Variants in DGUOK observed in about 807,000 individuals in gnomAD.
DGUOK encodes deoxyguanosine kinase.
DGUOK carries 30 observed loss-of-function variants against 36.6 expected under a neutral mutation model. That is an observed-to-expected ratio of 0.82 (90% CI 0.61 to 1.11). DGUOK has a LOEUF of 1.11. DGUOK is among the 50% of genes most tolerant of loss of function. The probability of loss-of-function intolerance (pLI) is 0.00; values close to 1 mark genes in which losing one functional copy is unlikely to be tolerated. For synonymous variants in DGUOK, 145 were observed against 126.3 expected (o/e 1.15, Z -0.99); for missense variants, 361 against 336.4 (o/e 1.07, Z -0.57).
intron 4 of DGUOK, 84 bp from the exon 5 acceptor site, chr2:73,957,041 G>A (rs1558668707): frequency 9.1e-6 from 8 of 875,638 alleles, no homozygotes; most frequent in Non-Finnish European, 1.2e-5. Flanking sequence ...TAGACATTAT[G>A]GGTGGGCCTC....
At chr2:73,930,794 CTTTTTTTTTT>C (rs1028341314) in intron 1 of DGUOK, among the ~76,000 whole-genome samples, 3 of 35,664 alleles carry the variant, frequency 8.4e-5, no homozygotes, top group African/African-American at 7.5e-5. Context: ...TTTTTTTTTT[CTTTTTTTTTT>C]TTTTTTTTTG....
intron 1 of DGUOK, among the ~76,000 whole-genome samples, chr2:73,931,633 G>A (rs1387746948): frequency 3.9e-5 from 6 of 152,142 alleles, no homozygotes; most frequent in Non-Finnish European, 1.5e-5. Flanking sequence ...GCCATGACCA[G>A]ATTAATTTAA....
At chr2:73,930,277 A>G (rs138936955) in intron 1 of DGUOK, among the ~76,000 whole-genome samples, 63 of 152,352 alleles carry the variant, frequency 4.1e-4, no homozygotes, top group African/African-American at 1.5e-3. Flanking sequence ...TGAATAAGCA[A>G]GAGAAATGTT....
rs1422549893 is a variant in DGUOK at position 73,938,941 on chromosome 2, C to A, written c.174C>A (p.Leu58=). The A allele has an allele frequency of 1.2e-6, 2 of 1,613,918 alleles. No homozygotes were observed. The highest frequency in any genetic ancestry group is 4.5e-5 in the East Asian group (2 of 44,884). ...GAAAGTCCACGTTTGTGAAGTTACT[C>A]ACGAAAACTTACCCAGAATGGCACG... ...AVGKSTFVKL[L]TKTYPEWHVA... is the part of the protein sequence containing the mutation. The change falls in exon 2 of 7, where the codon CTC becomes CTA. Residue 58 remains leucine, a synonymous_variant. Coordinates refer to ENST00000264093, the MANE Select transcript of DGUOK (RefSeq NM_080916.3).
chr2:73,950,772 G>A, intron 4 of DGUOK, 40 bp downstream of exon 4: 1 of 1,612,922 alleles, frequency 6.2e-7, no homozygotes. Flanking sequence ...AGGGCCATAT[G>A]AAACCTAAGA....
Position 73,958,797 on chromosome 2 carries a change from G to A in DGUOK, c.*61G>A. ...CCTGACTTTCTGAAGCTAGAAAAAT[G>A]TTGTGTCTCCCAACCACCTTTCCAT... On this transcript the variant is annotated 3_prime_UTR_variant, in exon 7 of 7. Coordinates refer to ENST00000264093, the MANE Select transcript of DGUOK (RefSeq NM_080916.3). The A allele has an allele frequency of 1.4e-6, 2 of 1,454,266 alleles. No homozygotes were observed. Among genetic ancestry groups the A allele is most frequent in the East Asian group, 2.3e-5 (1 of 44,198 alleles). 90.1% of individuals were successfully genotyped at this position (1,454,266 alleles called of 1,614,324 possible). A position where few individuals can be genotyped will look rare whatever the true frequency, so the allele number is the denominator to read the frequency against.
At chr2:73,957,959 C>T (rs947605713) in intron 5 of DGUOK, 187 bp from the exon 6 acceptor site, 1 of 526,218 alleles carries the variant, frequency 1.9e-6, no homozygotes, top group Non-Finnish European at 3.5e-6. Flanking sequence ...TGAAGAGAAA[C>T]CTCAACCTTT....
chr2:73,937,732 C>G (rs1267869254), intron 1 of DGUOK, among the ~76,000 whole-genome samples: 4 of 152,162 alleles, frequency 2.6e-5, no homozygotes, highest in Non-Finnish European at 5.9e-5. Flanking sequence ...TGAATAGTCT[C>G]TGGAGCTCAT....
chr2:73,932,538 A>G (rs1382432936), intron 1 of DGUOK: 1 of 1,036,496 alleles, frequency 9.6e-7, no homozygotes, highest in Admixed American at 2.4e-5. Context: ...ATTGGTACCC[A>G]CACAGGGAAT....
intron 2 of DGUOK, among the ~76,000 whole-genome samples, chr2:73,945,691 C>G (rs908963604): frequency 2.0e-5 from 3 of 152,174 alleles, no homozygotes; most frequent in Non-Finnish European, 4.4e-5. Context: ...ATAAAAAATA[C>G]AGATCCAAAG....
intron 1 of DGUOK, among the ~76,000 whole-genome samples, chr2:73,927,648 C>T (rs760456368): frequency 6.8e-4 from 104 of 152,176 alleles, no homozygotes; most frequent in African/African-American, 2.5e-3. Flanking sequence ...ATAATAATTT[C>T]TTAAGGCTTT....
intron 2 of DGUOK, among the ~76,000 whole-genome samples, chr2:73,943,631 T>G (rs571981290): frequency 9.5e-4 from 144 of 152,170 alleles, no homozygotes; most frequent in South Asian, 3.5e-3. Flanking sequence ...GGACAACTGT[T>G]TTCTGCCTCA....
chr2:73,927,595 A>G (rs956252608), intron 1 of DGUOK, among the ~76,000 whole-genome samples: 1 of 152,196 alleles, frequency 6.6e-6, no homozygotes, highest in Non-Finnish European at 1.5e-5. Flanking sequence ...CAGTCGTTCA[A>G]ATACCACATT....
chr2:73,930,414 A>C (rs1213721498), intron 1 of DGUOK, among the ~76,000 whole-genome samples: 1 of 152,186 alleles, frequency 6.6e-6, no homozygotes, highest in Non-Finnish European at 1.5e-5. Flanking sequence ...GGGAAGGGAG[A>C]GTCCTGCTAT....
intron 2 of DGUOK, among the ~76,000 whole-genome samples, chr2:73,944,334 C>T (rs984532644): frequency 2.0e-5 from 3 of 152,210 alleles, no homozygotes; most frequent in African/African-American, 7.2e-5. Flanking sequence ...AACTGATACT[C>T]TGTAAGGATC....
chr2:73,933,922 G>A (rs1372980333), intron 1 of DGUOK, among the ~76,000 whole-genome samples: 1 of 152,040 alleles, frequency 6.6e-6, no homozygotes, highest in African/African-American at 2.4e-5. Context: ...ATTTTTTTTG[G>A]AAGGACTTTT....
intron 2 of DGUOK, among the ~76,000 whole-genome samples, chr2:73,944,707 T>A (rs1004776113): frequency 6.6e-6 from 1 of 152,220 alleles, no homozygotes; most frequent in Admixed American, 6.5e-5. Flanking sequence ...TTTTACATTT[T>A]TGGTTCCAGA....
chr2:73,956,111 G>T (rs1683066710), intron 4 of DGUOK, among the ~76,000 whole-genome samples: 2 of 152,200 alleles, frequency 1.3e-5, no homozygotes, highest in Non-Finnish European at 2.9e-5. Flanking sequence ...TGAGAAGTAG[G>T]AGGGGTAGCT....
intron 6 of DGUOK, 120 bp downstream of exon 6, chr2:73,958,365 C>T: frequency 2.6e-6 from 2 of 783,532 alleles, no homozygotes; most frequent in Admixed American, 2.0e-5. Flanking sequence ...CATTGCATTT[C>T]ACACTCCAAG....
Sources: gnomAD v4.1 joint callset for allele counts (sites outside exome capture counted in the v4.1 genomes callset) on GRCh38, gnomAD v4.1.1 for gene constraint, MANE v1.5 for transcripts, NCBI Gene and HGNC (gene_info 2026-07-23, HGNC 2026-07-21) for gene names.